Variants in SHANK2 observed in about 807,000 individuals in gnomAD.
SHANK2 encodes the protein SH3 and multiple ankyrin repeat domains 2, also known as SH3 and multiple ankyrin repeat domains protein 2.
Under a neutral mutation model 133.7 loss-of-function variants are expected in SHANK2, and 43 were observed. That is an observed-to-expected ratio of 0.32 (90% CI 0.25 to 0.41). The LOEUF is 0.41. Ranked by LOEUF, SHANK2 falls within the 10% of genes least tolerant of loss-of-function variation. SHANK2 has a pLI of 1.00. For missense variants in SHANK2, 1,994 were observed against 2,235.8 expected (o/e 0.89, Z 2.18); for synonymous variants, 1,017 against 952.8 (o/e 1.07, Z -1.24).
intron 14 of SHANK2, among the ~76,000 whole-genome samples, chr11:70,728,944 C>T (rs1946227334): frequency 6.6e-6 from 1 of 152,094 alleles, no homozygotes; most frequent in Non-Finnish European, 1.5e-5. Context: ...GTGGCTCATG[C>T]CTGTAATCCT....
intron 3 of SHANK2, among the ~76,000 whole-genome samples, chr11:71,120,801 T>G (rs1237776426): frequency 6.6e-6 from 1 of 152,188 alleles, no homozygotes; most frequent in African/African-American, 2.4e-5. Context: ...CACCCTTCAG[T>G]TGCAGGAATC....
At chr11:71,117,016 G>GT (rs1302359273) in intron 4 of SHANK2, among the ~76,000 whole-genome samples, 2 of 151,998 alleles carry the variant, frequency 1.3e-5, no homozygotes, top group African/African-American at 4.8e-5. Context: ...CCAGCCTCAG[G>GT]TTTTTTTGTT....
chr11:70,486,336 C>G lies in SHANK2; in HGVS notation c.3957G>C (p.Val1319=). Residue 1319 remains valine (V), a synonymous_variant, in exon 25 of 26, where the codon GTG becomes GTC. Coordinates refer to ENST00000601538, the MANE Select transcript of SHANK2 (RefSeq NM_012309.5). The surrounding 1 kb of genome is among the most constrained non-coding windows in gnomAD (Gnocchi z 8.0). ...KSAGLLMVHT[V]DATKLDNALQ... ...GGGCGTTGTCCAGCTTAGTGGCGTC[C>G]ACGGTGTGCACCATCAGCAGGCCAG... 6.2e-7 allele frequency: 1 copy of G among 1,613,954 alleles called. No homozygotes were observed. Among genetic ancestry groups the G allele is most frequent in the Non-Finnish European group, 8.5e-7 (1 of 1,180,024 alleles).
At chr11:70,908,026 G>T (rs563661428) in intron 10 of SHANK2, 4 of 406,498 alleles carry the variant, frequency 9.8e-6, no homozygotes, top group Non-Finnish European at 2.0e-5. Flanking sequence ...GCTTGAACCC[G>T]GGAAGTGGAG....
intron 2 of SHANK2, among the ~76,000 whole-genome samples, chr11:71,156,079 G>A (rs531182775): frequency 2.6e-5 from 4 of 152,284 alleles, no homozygotes; most frequent in East Asian, 3.9e-4. Context: ...AGGCAGCCAC[G>A]TGCACGCCAG....
chr11:70,671,230 CGG>C (rs1565230293), intron 15 of SHANK2, among the ~76,000 whole-genome samples: 1 of 152,118 alleles, frequency 6.6e-6, no homozygotes, highest in East Asian at 1.9e-4. Flanking sequence ...ATGATCATGA[CGG>C]GGTGTGATCA....
chr11:71,117,746 C>T (rs1952005705), intron 4 of SHANK2, among the ~76,000 whole-genome samples: 1 of 152,238 alleles, frequency 6.6e-6, no homozygotes, highest in African/African-American at 2.4e-5. Context: ...CTCCTGCACG[C>T]TGGGCCCTCC....
At chr11:70,919,211 C>T (rs1590832695) in intron 10 of SHANK2, among the ~76,000 whole-genome samples, 1 of 152,222 alleles carries the variant, frequency 6.6e-6, no homozygotes, top group Admixed American at 6.5e-5. Flanking sequence ...ATACAATGTG[C>T]AATGGCTAAA....
intron 11 of SHANK2, among the ~76,000 whole-genome samples, chr11:70,848,386 G>A (rs999645559): frequency 2.0e-5 from 3 of 152,090 alleles, no homozygotes; most frequent in East Asian, 3.9e-4. Flanking sequence ...CAACCCACCC[G>A]TTCCCGCCAC....
chr11:70,476,415 CAAAG>C (rs1297960353), intron 25 of SHANK2, among the ~76,000 whole-genome samples: 1 of 152,122 alleles, frequency 6.6e-6, no homozygotes, highest in African/African-American at 2.4e-5. Flanking sequence ...CTCTGGTACT[CAAAG>C]AAGGTCGAAA....
chr11:70,849,396 T>C (rs1056467183), intron 11 of SHANK2, among the ~76,000 whole-genome samples: 7 of 152,240 alleles, frequency 4.6e-5, no homozygotes, highest in Non-Finnish European at 8.8e-5. Context: ...GTGTGAATTC[T>C]GTCTACGGGT....
At chr11:71,231,158 A>G (rs1209857172) in intron 1 of SHANK2, among the ~76,000 whole-genome samples, 1 of 152,238 alleles carries the variant, frequency 6.6e-6, no homozygotes, top group Non-Finnish European at 1.5e-5. Context: ...ATGTCTGCAA[A>G]CCACATATTT....
intron 17 of SHANK2, among the ~76,000 whole-genome samples, chr11:70,544,813 G>C (rs1478912697): frequency 6.6e-6 from 1 of 152,240 alleles, no homozygotes; most frequent in Non-Finnish European, 1.5e-5. Flanking sequence ...TGCCACAAAG[G>C]AGCAAATGTC....
rs375287679 is a variant in SHANK2 at position 70,820,554 on chromosome 11, C to T, written c.1303G>A (p.Val435Ile). 62 of 716,982 alleles carry T rather than the reference C, an allele frequency of 8.6e-5. No individual in the cohort carries two copies. In the East Asian group the frequency reaches 9.9e-4, roughly 11 times the overall value. 44.4% of individuals were successfully genotyped at this position (716,982 alleles called of 1,614,324 possible). The stretch of plus-strand genomic sequence containing the variant: ...CGGTGCGAGGTGGCCGTGGAGCAGA[C>T]GGCCCAGTCGGGAGCGCTGGCATTG... ...NLNASAPDWA[V>I]CSTATSHRSL... The change falls in exon 12 of 26, where the codon GTC becomes ATC. Residue 435 changes from valine to isoleucine, a missense_variant. By Grantham distance (29) the Val-to-Ile change is conservative. Around this residue, in one of 5 missense-constraint regions of SHANK2, gnomAD observed 653 missense variants for 563.4 expected, o/e 1.16. Coordinates refer to ENST00000601538, the MANE Select transcript of SHANK2 (RefSeq NM_012309.5).
chr11:70,767,327 C>A (rs1340184875), intron 14 of SHANK2, among the ~76,000 whole-genome samples: 1 of 152,164 alleles, frequency 6.6e-6, no homozygotes, highest in Non-Finnish European at 1.5e-5. Context: ...TACCATATGA[C>A]CCACCAATTC....
intron 11 of SHANK2, among the ~76,000 whole-genome samples, chr11:70,868,645 G>C (rs898691520): frequency 2.0e-5 from 3 of 152,214 alleles, no homozygotes; most frequent in African/African-American, 7.2e-5. Context: ...ATCTTACACA[G>C]TCAGCCTCAC....
intron 15 of SHANK2, among the ~76,000 whole-genome samples, chr11:70,684,509 A>T (rs970734939): frequency 2.0e-5 from 3 of 152,092 alleles, no homozygotes; most frequent in Admixed American, 6.5e-5. Flanking sequence ...GCAATGACCT[A>T]TGATTGCACC....
At chr11:70,585,334 G>C (rs1011577973) in intron 17 of SHANK2, among the ~76,000 whole-genome samples, 1 of 152,216 alleles carries the variant, frequency 6.6e-6, no homozygotes, top group Non-Finnish European at 1.5e-5. Context: ...TTTGGGACCA[G>C]TGACAATAGA....
At chr11:70,537,631 G>T (rs566353590) in intron 17 of SHANK2, among the ~76,000 whole-genome samples, 1 of 152,372 alleles carries the variant, frequency 6.6e-6, no homozygotes, top group African/African-American at 2.4e-5. Flanking sequence ...TCCCAGGACT[G>T]TAGGGGAACA....
Sources: allele counts gnomAD v4.1 joint callset (sites outside exome capture counted in the v4.1 genomes callset), GRCh38; gene constraint gnomAD v4.1.1; regional missense constraint gnomAD v4.1.1; non-coding constraint Gnocchi (gnomAD v3.1); transcripts MANE v1.5; gene names NCBI Gene and HGNC (gene_info 2026-07-23, HGNC 2026-07-21).